CTNNA3: variants seen among roughly 807,000 people sequenced by gnomAD.
The protein encoded by CTNNA3 is catenin alpha-3.
A neutral mutation model predicts 95.7 loss-of-function variants in CTNNA3; 76 were observed. The ratio of observed to expected loss-of-function variants is 0.79; its 90% CI spans 0.66 to 0.96. The LOEUF (loss-of-function observed/expected upper bound fraction) is 0.96, where lower values mean the gene tolerates loss of function less well. CTNNA3 is among the 40% of genes least tolerant of loss of function. The pLI, the probability that CTNNA3 is intolerant of heterozygous loss-of-function variation, is 0.00. For missense variants in CTNNA3, 1,191 were observed against 1,089.8 expected, an observed-to-expected ratio of 1.09 and a Z score of -1.31; for synonymous variants, 431 against 374.4, an observed-to-expected ratio of 1.15 and a Z score of -1.74.
chr10:66,428,667 G>A (rs142199810), intron 11 of CTNNA3, among the ~76,000 whole-genome samples: 60,778 of 151,660 alleles, frequency 0.4, 12,998 homozygotes, highest in East Asian at 0.6. Context: ...GGTACATAAC[G>A]AAATGAAGGC....
intron 10 of CTNNA3, among the ~76,000 whole-genome samples, chr10:66,551,159 C>T (rs908702275): frequency 2.0e-5 from 3 of 152,032 alleles, no homozygotes; most frequent in Non-Finnish European, 2.9e-5. Context: ...AGCCAATGTT[C>T]GGGGCAGATC....
At chr10:67,041,822 T>C (rs1335558760) in intron 7 of CTNNA3, among the ~76,000 whole-genome samples, 3 of 152,144 alleles carry the variant, frequency 2.0e-5, no homozygotes, top group Non-Finnish European at 4.4e-5. Context: ...AATAAAGTGC[T>C]GTAGCTGATA....
In CTNNA3 at chr10:66,349,247, A is replaced by T. The variant is rs539988509; in HGVS notation, c.1732+29905T>A. On this transcript the variant is annotated intron_variant, in intron 12 of 17. Coordinates refer to ENST00000433211, the MANE Select transcript of CTNNA3 (RefSeq NM_013266.4). Reference sequence around the variant, plus strand: ...ATACAAAGAAGAAACTGAAGCCCTCACTCCTACAACCACAGGGAACTGAAT... The same window carrying T: ...ATACAAAGAAGAAACTGAAGCCCTCTCTCCTACAACCACAGGGAACTGAAT... 1.3e-3 allele frequency among the ~76,000 whole-genome samples: 195 copies of T among 152,072 alleles called. 2 individuals are homozygous for T. Among genetic ancestry groups the T allele is most frequent in the African/African-American group, 4.4e-3 (184 of 41,520 alleles).
intron 10 of CTNNA3, among the ~76,000 whole-genome samples, chr10:66,548,723 TACA>T (rs1324444878): frequency 2.6e-5 from 4 of 152,122 alleles, no homozygotes; most frequent in East Asian, 1.9e-4. Flanking sequence ...AAAAATCAAT[TACA>T]ACAATTGATT....
chr10:67,533,374 TAAG>T (rs1458224404), intron 4 of CTNNA3, among the ~76,000 whole-genome samples: 3 of 151,488 alleles, frequency 2.0e-5, no homozygotes, highest in Admixed American at 1.3e-4. Flanking sequence ...TGTGGAATCC[TAAG>T]AAGAACAAAT....
At chr10:67,371,174 G>C (rs182288143) in intron 5 of CTNNA3, among the ~76,000 whole-genome samples, 3 of 151,626 alleles carry the variant, frequency 2.0e-5, no homozygotes, top group African/African-American at 7.2e-5. Flanking sequence ...CCAAGAGGAA[G>C]TTTTACAGCA....
intron 7 of CTNNA3, among the ~76,000 whole-genome samples, chr10:67,124,146 T>C (rs1284671886): frequency 6.6e-6 from 1 of 152,102 alleles, no homozygotes; most frequent in Non-Finnish European, 1.5e-5. Flanking sequence ...GCTCCAAAAA[T>C]AAGAAATGAT....
At chr10:66,006,821 C>T (rs2078896545) in intron 15 of CTNNA3, among the ~76,000 whole-genome samples, 1 of 152,196 alleles carries the variant, frequency 6.6e-6, no homozygotes, top group South Asian at 2.1e-4. Flanking sequence ...ACTTCTTATT[C>T]TGGTCATGGC....
chr10:66,425,256 GT>G (rs1022288942), intron 11 of CTNNA3, among the ~76,000 whole-genome samples: 6 of 151,460 alleles, frequency 4.0e-5, no homozygotes, highest in East Asian at 1.9e-4. Flanking sequence ...TTAGCAGTTA[GT>G]TTTTTTAATC....
intron 10 of CTNNA3, among the ~76,000 whole-genome samples, chr10:66,548,835 T>C (rs910166234): frequency 6.6e-6 from 1 of 152,058 alleles, no homozygotes; most frequent in Non-Finnish European, 1.5e-5. Context: ...ATTATCCTTT[T>C]ATATACTATT....
At chr10:65,994,991 G>A (rs578155884) in intron 15 of CTNNA3, among the ~76,000 whole-genome samples, 83 of 151,994 alleles carry the variant, frequency 5.5e-4, no homozygotes, top group African/African-American at 2.0e-3. Context: ...CTTAGTTCCA[G>A]AATTTTTGTT....
intron 5 of CTNNA3, among the ~76,000 whole-genome samples, chr10:67,484,659 T>A (rs1848375210): frequency 6.6e-6 from 1 of 152,098 alleles, no homozygotes; most frequent in African/African-American, 2.4e-5. Flanking sequence ...AACAGACACT[T>A]CTCAAAAGAA....
chr10:67,698,388 T>C (rs890189463), upstream of CTNNA3, among the ~76,000 whole-genome samples: 14 of 152,174 alleles, frequency 9.2e-5, no homozygotes. Flanking sequence ...AGAAGCCCCT[T>C]GATGCAGAGC....
At chr10:66,996,647 T>TAAAAAAAAAAAA (rs1440460577) in intron 7 of CTNNA3, among the ~76,000 whole-genome samples, 3 of 8,958 alleles carry the variant, frequency 3.3e-4, no homozygotes, top group Non-Finnish European at 5.4e-4. Flanking sequence ...ACTCCGTCTC[T>TAAAAAAAAAAAA]ACAAAAAAAA....
At chr10:65,928,347 C>T (rs77432792) in intron 17 of CTNNA3, among the ~76,000 whole-genome samples, 1 of 152,068 alleles carries the variant, frequency 6.6e-6, no homozygotes, top group East Asian at 1.9e-4. Flanking sequence ...TATCTTTATA[C>T]CAGCATCATA....
intron 7 of CTNNA3, among the ~76,000 whole-genome samples, chr10:67,124,096 T>C (rs1018091729): frequency 1.3e-5 from 2 of 152,154 alleles, no homozygotes; most frequent in Non-Finnish European, 2.9e-5. Context: ...TGTTTCTACA[T>C]AAAGGGGATT....
intron 13 of CTNNA3, among the ~76,000 whole-genome samples, chr10:66,244,258 T>C (rs563894631): frequency 6.6e-6 from 1 of 152,324 alleles, no homozygotes; most frequent in Admixed American, 6.5e-5. Flanking sequence ...GGTAGATTTC[T>C]AACGTTTTTT....
At chr10:66,310,034 G>A (rs1044439578) in intron 12 of CTNNA3, among the ~76,000 whole-genome samples, 4 of 151,258 alleles carry the variant, frequency 2.6e-5, no homozygotes, top group African/African-American at 9.7e-5. Flanking sequence ...TGAGGCAGGA[G>A]AATCACTTGA....
intron 9 of CTNNA3, among the ~76,000 whole-genome samples, chr10:66,757,078 T>G (rs544405884): frequency 2.1e-4 from 32 of 152,312 alleles, no homozygotes; most frequent in African/African-American, 7.5e-4. Context: ...ACACTAGGCC[T>G]GCATTCATGC....
Sources: gnomAD v4.1 joint callset for allele counts (sites outside exome capture counted in the v4.1 genomes callset) on GRCh38, gnomAD v4.1.1 for gene constraint, MANE v1.5 for transcripts, NCBI Gene and HGNC (gene_info 2026-07-23, HGNC 2026-07-21) for gene names.